The following TUSC3 variants were observed in gnomAD, a reference collection of about 807,000 sequenced individuals.
TUSC3 encodes the protein tumor suppressor candidate 3, also known as dolichyl-diphosphooligosaccharide--protein glycosyltransferase subunit TUSC3.
In TUSC3, 45 loss-of-function variants were observed where a neutral mutation model predicts 44.8. The observed-to-expected ratio is 1.00, with a 90% CI of 0.79 to 1.29. The LOEUF (loss-of-function observed/expected upper bound fraction) is 1.29, where lower values mean the gene tolerates loss of function less well. TUSC3 is among the 50% of genes most tolerant of loss of function. The pLI, the probability that TUSC3 is intolerant of heterozygous loss-of-function variation, is 0.00. For missense variants in TUSC3, 519 were observed against 437.9 expected (o/e 1.19, Z -1.65); for synonymous variants, 212 against 152.9 (o/e 1.39, Z -2.85).
intron 2 of TUSC3, among the ~76,000 whole-genome samples, chr8:15,529,682 C>T (rs950816025): frequency 1.3e-5 from 2 of 151,518 alleles, no homozygotes; most frequent in African/African-American, 2.4e-5. Context: ...CTAATATTTC[C>T]AGCCATTGGT....
intron 1 of TUSC3, among the ~76,000 whole-genome samples, chr8:15,591,313 C>T (rs991600549): frequency 6.9e-6 from 1 of 145,390 alleles, no homozygotes; most frequent in Non-Finnish European, 1.5e-5. Flanking sequence ...ATTATGTCTA[C>T]ATTTATGTAT....
rs896533087 is a variant in TUSC3, at chr8:15,719,934, T to C, written c.799-10732T>C. Among the ~76,000 whole-genome samples the C allele has an allele frequency of 2.5e-4, 38 of 152,046 alleles. 1 individual carries two copies. The highest frequency in any genetic ancestry group is 1.1e-3 in the Admixed American group (17 of 15,232). ...GTGCTATAAAGGTTTGTGTTTGTTT[T>C]TGTAGAGACAAGCTCTTACTCTTGC... On this transcript the variant is annotated intron_variant, in intron 6 of 10. Transcript: ENST00000503731.
intron 6 of TUSC3, among the ~76,000 whole-genome samples, chr8:15,677,990 G>C (rs1359998805): frequency 1.3e-5 from 2 of 152,174 alleles, no homozygotes; most frequent in Non-Finnish European, 2.9e-5. Flanking sequence ...CATATTGGAG[G>C]TTAAGGAAAC....
intron 2 of TUSC3, among the ~76,000 whole-genome samples, chr8:15,483,792 A>T (rs1295929266): frequency 6.6e-6 from 1 of 150,818 alleles, no homozygotes; most frequent in Non-Finnish European, 1.5e-5. Flanking sequence ...AGTAGCTGGG[A>T]CTACAGGCGC....
chr8:15,775,096 A>G, the TUSC3 span, among the ~76,000 whole-genome samples: 1 of 152,162 alleles, frequency 6.6e-6, no homozygotes, highest in Non-Finnish European at 1.5e-5. Context: ...GATAAACAAA[A>G]TTGATATATC....
At chr8:15,722,627 C>G (rs1406370017) in intron 6 of TUSC3, among the ~76,000 whole-genome samples, 3 of 152,034 alleles carry the variant, frequency 2.0e-5, no homozygotes, top group African/African-American at 7.2e-5. Context: ...GTTTACCTGC[C>G]TGATTCACTT....
chr8:15,712,518 G>T (rs1298758650), intron 6 of TUSC3, among the ~76,000 whole-genome samples: 1 of 151,798 alleles, frequency 6.6e-6, no homozygotes, highest in Non-Finnish European at 1.5e-5. Context: ...CGTTTTATTA[G>T]ATCTCTTTTA....
At chr8:15,565,153 C>T (rs556678746) in intron 1 of TUSC3, among the ~76,000 whole-genome samples, 2 of 148,454 alleles carry the variant, frequency 1.3e-5, no homozygotes, top group South Asian at 2.2e-4. Flanking sequence ...CTGCTGGAAG[C>T]GTTGAGGGGA....
At chr8:15,495,428 C>T (rs1382421726) in intron 2 of TUSC3, among the ~76,000 whole-genome samples, 2 of 152,160 alleles carry the variant, frequency 1.3e-5, no homozygotes, top group Non-Finnish European at 2.9e-5. Flanking sequence ...CAGGTGAGTT[C>T]ACATACCCAG....
intron 2 of TUSC3, among the ~76,000 whole-genome samples, chr8:15,624,224 T>C (rs1805388835): frequency 6.6e-6 from 1 of 152,236 alleles, no homozygotes; most frequent in Non-Finnish European, 1.5e-5. Flanking sequence ...CATTTATTTG[T>C]TAAAGGAATC....
At chr8:15,705,263 G>C (rs979148398) in intron 6 of TUSC3, among the ~76,000 whole-genome samples, 2 of 151,850 alleles carry the variant, frequency 1.3e-5, no homozygotes, top group Non-Finnish European at 2.9e-5. Flanking sequence ...CTTATGATGA[G>C]TGGAGTTTCA....
chr8:15,611,348 G>C (rs1164366300), intron 1 of TUSC3, among the ~76,000 whole-genome samples: 1 of 152,042 alleles, frequency 6.6e-6, no homozygotes, highest in Non-Finnish European at 1.5e-5. Flanking sequence ...CACACATCCA[G>C]CTAATTTTTG....
chr8:15,639,032 C>T (rs184974050), intron 2 of TUSC3, among the ~76,000 whole-genome samples: 93 of 143,362 alleles, frequency 6.5e-4, no homozygotes, highest in African/African-American at 2.4e-3. Context: ...TGCTAGATCA[C>T]GTGATGTTCA....
intron 6 of TUSC3, among the ~76,000 whole-genome samples, chr8:15,679,181 A>C (rs1316082028): frequency 1.3e-5 from 2 of 152,236 alleles, no homozygotes; most frequent in East Asian, 1.9e-4. Flanking sequence ...AAAATCTCCA[A>C]AGTACTTTCC....
chr8:15,690,074 C>A (rs1808833130), intron 6 of TUSC3, among the ~76,000 whole-genome samples: 1 of 151,984 alleles, frequency 6.6e-6, no homozygotes, highest in South Asian at 2.1e-4. Context: ...CTGTTTTAAG[C>A]TCTTTGAGAA....
At chr8:15,838,863 C>T in the TUSC3 span, among the ~76,000 whole-genome samples, 1 of 152,052 alleles carries the variant, frequency 6.6e-6, no homozygotes, top group African/African-American at 2.4e-5. Flanking sequence ...TCCATATGAA[C>T]TTTAAAGTAG....
At chr8:15,568,153 G>A (rs1802745457) in intron 1 of TUSC3, among the ~76,000 whole-genome samples, 1 of 152,088 alleles carries the variant, frequency 6.6e-6, no homozygotes, top group Admixed American at 6.5e-5. Context: ...TTGCTCATTG[G>A]CCTGTGAAAT....
intron 1 of TUSC3, among the ~76,000 whole-genome samples, chr8:15,447,109 G>A (rs1406691569): frequency 1.3e-5 from 2 of 151,794 alleles, no homozygotes; most frequent in Non-Finnish European, 2.9e-5. Context: ...AATATAGGAT[G>A]TTCATATGCA....
At chr8:15,440,273 TG>T (rs928168315) in intron 1 of TUSC3, among the ~76,000 whole-genome samples, 19 of 152,184 alleles carry the variant, frequency 1.2e-4, no homozygotes, top group African/African-American at 4.3e-4. Context: ...AAAGTCCCTG[TG>T]GCCATTGGGA....
Sources: allele counts gnomAD v4.1 joint callset (sites outside exome capture counted in the v4.1 genomes callset), GRCh38; gene constraint gnomAD v4.1.1; transcripts MANE v1.5; gene names NCBI Gene and HGNC (gene_info 2026-07-23, HGNC 2026-07-21).